Variants in RBFOX1 observed in about 807,000 individuals in gnomAD.
The protein encoded by RBFOX1 is RNA binding protein fox-1 homolog 1.
A neutral mutation model predicts 57.7 loss-of-function variants in RBFOX1; 8 were observed. The ratio of observed to expected loss-of-function variants is 0.14; its 90% CI spans 0.08 to 0.25. The LOEUF is 0.25. RBFOX1 is among the 10% of genes least tolerant of loss of function. The probability of loss-of-function intolerance (pLI) is 1.00; values close to 1 mark genes in which losing one functional copy is unlikely to be tolerated. For synonymous variants in RBFOX1, 326 were observed against 222.4 expected (o/e 1.47, Z -4.15); for missense variants, 611 against 548.5 (o/e 1.11, Z -1.14).
At chr16:6,904,337 A>T (rs187170917) in intron 3 of RBFOX1, among the ~76,000 whole-genome samples, 14 of 152,046 alleles carry the variant, frequency 9.2e-5, no homozygotes, top group Admixed American at 6.6e-4. Flanking sequence ...GGGCTGGCTC[A>T]TGCCTGTAAT....
intron 2 of RBFOX1, among the ~76,000 whole-genome samples, chr16:6,421,459 C>G (rs913516975): frequency 2.6e-4 from 40 of 152,160 alleles, no homozygotes; most frequent in African/African-American, 9.2e-4. Context: ...AATTCTGAAT[C>G]AGAATTTTGT....
chr16:6,903,987 G>C (rs958744612), intron 3 of RBFOX1, among the ~76,000 whole-genome samples: 1 of 152,084 alleles, frequency 6.6e-6, no homozygotes, highest in Non-Finnish European at 1.5e-5. Flanking sequence ...ACATCCCAGG[G>C]AGTGACCACG....
intron 3 of RBFOX1, among the ~76,000 whole-genome samples, chr16:5,820,969 C>T (rs988330588): frequency 2.6e-5 from 4 of 152,178 alleles, no homozygotes; most frequent in Admixed American, 2.0e-4. Flanking sequence ...TGTGAGCCCA[C>T]CTCCTCTGGG....
In RBFOX1 at chr16:7,424,940, A is replaced by T. The variant is rs551754851; in HGVS notation, c.28-93207A>T. ...CAAATTATATTCCAAAGGTGATAAG[A>T]TACTTGGGAGTTTGAGCACCAAGAA... On this transcript the variant is annotated intron_variant, in intron 4 of 15. Coordinates refer to ENST00000550418, the MANE Select transcript of RBFOX1 (RefSeq NM_018723.4). 2.0e-5 allele frequency among the ~76,000 whole-genome samples: 3 copies of T among 152,314 alleles called. No individual in the cohort carries two copies. The South Asian group carries it at 6.2e-4, about 32-fold the overall frequency.
At chr16:5,481,284 G>C (rs879872686) in intron 2 of RBFOX1, among the ~76,000 whole-genome samples, 1 of 152,126 alleles carries the variant, frequency 6.6e-6, no homozygotes, top group Non-Finnish European at 1.5e-5. Context: ...ATAATGTCTG[G>C]TTTCTTGTTG....
chr16:5,442,586 C>T (rs1465675957), intron 1 of RBFOX1, among the ~76,000 whole-genome samples: 4 of 152,154 alleles, frequency 2.6e-5, no homozygotes, highest in Non-Finnish European at 5.9e-5. Flanking sequence ...GGAGGACAGC[C>T]ATGTTTCCAG....
At chr16:6,599,727 C>T (rs1000843890) in intron 2 of RBFOX1, among the ~76,000 whole-genome samples, 5 of 152,198 alleles carry the variant, frequency 3.3e-5, no homozygotes, top group Admixed American at 1.3e-4. Flanking sequence ...TTTCCCATCC[C>T]AGTGCTCACC....
At chr16:6,627,159 T>C (rs1459049165) in intron 2 of RBFOX1, among the ~76,000 whole-genome samples, 1 of 152,144 alleles carries the variant, frequency 6.6e-6, no homozygotes, top group Admixed American at 6.5e-5. Context: ...CCAACCCGCA[T>C]TACTCCTACA....
intron 3 of RBFOX1, among the ~76,000 whole-genome samples, chr16:5,779,044 T>G (rs939480919): frequency 1.3e-5 from 2 of 152,226 alleles, no homozygotes; most frequent in African/African-American, 4.8e-5. Flanking sequence ...AACCTATTAC[T>G]AGAAAAATCT....
chr16:7,635,204 T>G (rs1436435964), intron 11 of RBFOX1, among the ~76,000 whole-genome samples: 1 of 152,208 alleles, frequency 6.6e-6, no homozygotes, highest in African/African-American at 2.4e-5. Context: ...TTCATTTTCA[T>G]TAGTTGAAGT....
intron 1 of RBFOX1, among the ~76,000 whole-genome samples, chr16:6,313,322 A>C (rs2080614175): frequency 6.6e-6 from 1 of 152,232 alleles, no homozygotes; most frequent in African/African-American, 2.4e-5. Flanking sequence ...CAAGTAACAC[A>C]GTCACATTTA....
intron 1 of RBFOX1, among the ~76,000 whole-genome samples, chr16:5,373,529 A>T (rs1218953094): frequency 6.6e-6 from 1 of 151,158 alleles, no homozygotes; most frequent in Non-Finnish European, 1.5e-5. Flanking sequence ...TTCCACCCCG[A>T]TTGTAAGTTT....
At chr16:6,289,256 A>G (rs1484098189) in intron 1 of RBFOX1, among the ~76,000 whole-genome samples, 1 of 152,050 alleles carries the variant, frequency 6.6e-6, no homozygotes, top group Non-Finnish European at 1.5e-5. Flanking sequence ...AAGTGTGGAT[A>G]TAGGATGGAA....
chr16:7,641,627 G>C lies in RBFOX1; in HGVS notation c.757+10944G>C, dbSNP rs2062810813. On this transcript the variant is annotated intron_variant, in intron 11 of 15. Transcript: ENST00000550418. ...TCCCTACCCTTACTATTTGCTACAG[G>C]AGTCTCAAACATTTCCAGAAGATCA... Among the ~76,000 whole-genome samples, 3 of 152,296 alleles carry C rather than the reference G, an allele frequency of 2.0e-5. No individual in the cohort carries two copies. The South Asian group carries it at 6.2e-4, about 32-fold the overall frequency.
chr16:6,298,978 A>G (rs2152738840), intron 1 of RBFOX1, among the ~76,000 whole-genome samples: 1 of 152,284 alleles, frequency 6.6e-6, no homozygotes, highest in South Asian at 2.1e-4. Context: ...AGTGGATGGA[A>G]AAGAATATCA....
intron 3 of RBFOX1, among the ~76,000 whole-genome samples, chr16:6,709,970 C>A (rs552874902): frequency 2.0e-5 from 3 of 152,276 alleles, no homozygotes; most frequent in South Asian, 4.2e-4. Context: ...GCAGACGGCA[C>A]AGCCACCTGT....
chr16:5,966,914 C>G (rs1220818339), intron 4 of RBFOX1, among the ~76,000 whole-genome samples: 2 of 137,430 alleles, frequency 1.5e-5, no homozygotes, highest in African/African-American at 2.7e-5. Flanking sequence ...TGTTCTGATT[C>G]AAATCACTGA....
At chr16:7,419,933 TTTTTTTTTTTTA>T (rs1254686235) in intron 4 of RBFOX1, among the ~76,000 whole-genome samples, 9 of 107,450 alleles carry the variant, frequency 8.4e-5, no homozygotes, top group Admixed American at 4.5e-4. Context: ...TCCTTTTTTT[TTTTTTTTTTTTA>T]ATTGTTTTGG....
At chr16:5,999,643 C>G (rs9934559) in intron 4 of RBFOX1, among the ~76,000 whole-genome samples, 21 of 152,142 alleles carry the variant, frequency 1.4e-4, no homozygotes, top group African/African-American at 5.1e-4. Flanking sequence ...GGGCGGATCA[C>G]GAGGTCAGGA....
Sources: allele counts gnomAD v4.1 joint callset (sites outside exome capture counted in the v4.1 genomes callset), GRCh38; gene constraint gnomAD v4.1.1; transcripts MANE v1.5; gene names NCBI Gene and HGNC (gene_info 2026-07-23, HGNC 2026-07-21).